The following PLCB1 variants were observed in gnomAD, a reference collection of about 807,000 sequenced individuals.
The protein encoded by PLCB1 is phospholipase C beta 1, also known as 1-phosphatidylinositol 4,5-bisphosphate phosphodiesterase beta-1.
PLCB1 carries 46 observed loss-of-function variants against 161.8 expected under a neutral mutation model. That is an observed-to-expected ratio of 0.28 (90% CI 0.22 to 0.36). The LOEUF (loss-of-function observed/expected upper bound fraction) is 0.36, where lower values mean the gene tolerates loss of function less well. PLCB1 is among the 10% of genes least tolerant of loss of function. The pLI is 1.00. For missense variants in PLCB1, 1,016 were observed against 1,472.5 expected (o/e 0.69, Z 5.07); for synonymous variants, 517 against 503.7 (o/e 1.03, Z -0.35).
intron 9 of PLCB1, among the ~76,000 whole-genome samples, chr20:8,661,578 A>T (rs1989622773): frequency 6.6e-6 from 1 of 152,100 alleles, no homozygotes; most frequent in Admixed American, 6.6e-5. Flanking sequence ...GTCAAATTAC[A>T]AAGACCTTAG....
chr20:8,168,965 T>A (rs996720792), intron 2 of PLCB1, among the ~76,000 whole-genome samples: 3 of 152,112 alleles, frequency 2.0e-5, no homozygotes. Context: ...TGAAAACACA[T>A]GAGTTTGACC....
At chr20:8,160,311 C>T (rs1455399524) in intron 2 of PLCB1, among the ~76,000 whole-genome samples, 1 of 152,188 alleles carries the variant, frequency 6.6e-6, no homozygotes, top group Non-Finnish European at 1.5e-5. Context: ...CTAACCTCTG[C>T]TTTTTACCCA....
chr20:8,734,773 A>G (rs771403600), intron 19 of PLCB1, among the ~76,000 whole-genome samples: 21 of 152,094 alleles, frequency 1.4e-4, no homozygotes, highest in Non-Finnish European at 2.6e-4. Flanking sequence ...TTTTCTGTTT[A>G]ACTGAATAAC....
At chr20:8,677,709 C>G (rs561924857) in intron 9 of PLCB1, among the ~76,000 whole-genome samples, 16 of 152,160 alleles carry the variant, frequency 1.1e-4, no homozygotes, top group Admixed American at 4.6e-4. Flanking sequence ...AGCTAAAAGA[C>G]AGTGGAGCAA....
At chr20:8,462,669 A>G (rs1981632666) in intron 3 of PLCB1, among the ~76,000 whole-genome samples, 1 of 152,120 alleles carries the variant, frequency 6.6e-6, no homozygotes, top group Admixed American at 6.6e-5. Context: ...ATGTAAACGC[A>G]ATCACTTGTT....
rs180851522 is a variant in PLCB1, at chr20:8,748,325, A to G, written c.2523+6752A>G. On this transcript the variant is annotated intron_variant, in intron 23 of 31. Transcript: ENST00000338037. Reference sequence around the variant, plus strand: ...TTTTTAGAGAAGGGAACAATTGCTCATTATGGTAGAGTGATTTGGTGCCTA... The same window carrying G: ...TTTTTAGAGAAGGGAACAATTGCTCGTTATGGTAGAGTGATTTGGTGCCTA... 2.2e-3 allele frequency among the ~76,000 whole-genome samples: 339 copies of G among 152,314 alleles called. 2 individuals carry two copies. The highest frequency in any genetic ancestry group is 0.02 in the Admixed American group (299 of 15,298).
chr20:8,628,168 C>T (rs1988416078), intron 3 of PLCB1, 126 bp from the exon 4 acceptor site: 3 of 754,934 alleles, frequency 4.0e-6, no homozygotes, highest in Non-Finnish European at 6.5e-6. Context: ...TAAACTCCTA[C>T]AATTTTCTAG....
intron 3 of PLCB1, among the ~76,000 whole-genome samples, chr20:8,442,737 T>C (rs1427959914): frequency 6.6e-6 from 1 of 152,158 alleles, no homozygotes; most frequent in South Asian, 2.1e-4. Context: ...TTTTCTGTTT[T>C]ATTAATTAAA....
intron 26 of PLCB1, 101 bp from the exon 27 acceptor site, chr20:8,774,438 C>A (rs888140557): frequency 6.7e-6 from 8 of 1,193,330 alleles, no homozygotes; most frequent in Non-Finnish European, 5.9e-6. Context: ...ATATGTATTT[C>A]CAAACAGAGA....
chr20:8,240,567 C>T (rs1292256304), intron 2 of PLCB1, among the ~76,000 whole-genome samples: 3 of 151,926 alleles, frequency 2.0e-5, no homozygotes, highest in African/African-American at 7.2e-5. Flanking sequence ...GGAATGCACA[C>T]ACCTCCTTGT....
At chr20:8,282,002 A>G (rs1396394566) in intron 2 of PLCB1, among the ~76,000 whole-genome samples, 1 of 152,180 alleles carries the variant, frequency 6.6e-6, no homozygotes, top group African/African-American at 2.4e-5. Context: ...AAAAAATTTT[A>G]AATCAGCCTT....
At chr20:8,755,534 A>G (rs537521458) in intron 23 of PLCB1, among the ~76,000 whole-genome samples, 1 of 152,234 alleles carries the variant, frequency 6.6e-6, no homozygotes, top group African/African-American at 2.4e-5. Flanking sequence ...TATGTAGGCA[A>G]TTATTTTATA....
In PLCB1 at chr20:8,589,578, G is replaced by A. The variant is rs147402867; in HGVS notation, c.247-38716G>A. Among the ~76,000 whole-genome samples the A allele has an allele frequency of 3.0e-3, 447 of 151,462 alleles. 4 individuals carry two copies. The highest frequency in any genetic ancestry group is 0.01 in the African/African-American group (426 of 41,316). Reference sequence around the variant, plus strand: ...TTATTGTGTCCTCACATGGTGGAAGGGGTGAAGGCTCTCTCTGGGGTCAAT... The same window carrying A: ...TTATTGTGTCCTCACATGGTGGAAGAGGTGAAGGCTCTCTCTGGGGTCAAT... On this transcript the variant is annotated intron_variant, in intron 3 of 31. Transcript: ENST00000338037.
intron 13 of PLCB1, 108 bp downstream of exon 13, chr20:8,716,456 T>G (rs1979316868): frequency 1.2e-6 from 1 of 819,648 alleles, no homozygotes; most frequent in South Asian, 1.5e-5. Context: ...GTAAGATTAA[T>G]GCAGTTGGTG....
intron 31 of PLCB1, among the ~76,000 whole-genome samples, chr20:8,822,285 A>G (rs549135119): frequency 3.3e-4 from 51 of 152,260 alleles, no homozygotes; most frequent in African/African-American, 1.2e-3. Flanking sequence ...GTTCAGACCC[A>G]TTCACTTTAA....
intron 11 of PLCB1, among the ~76,000 whole-genome samples, chr20:8,700,617 C>G (rs1012173042): frequency 6.6e-6 from 1 of 152,210 alleles, no homozygotes; most frequent in African/African-American, 2.4e-5. Flanking sequence ...CTTTCTCTCT[C>G]TGCCTGCTGG....
At chr20:8,362,804 AGACTT>A (rs1986587264) in intron 2 of PLCB1, among the ~76,000 whole-genome samples, 1 of 152,188 alleles carries the variant, frequency 6.6e-6, no homozygotes, top group East Asian at 1.9e-4. Flanking sequence ...ACGTGAAAAA[AGACTT>A]AAGTGGTTTT....
intron 2 of PLCB1, among the ~76,000 whole-genome samples, chr20:8,224,148 A>G (rs1219974612): frequency 1.3e-5 from 2 of 152,198 alleles, no homozygotes; most frequent in Non-Finnish European, 2.9e-5. Context: ...TTGTGGTAAA[A>G]TGGAAATAAT....
intron 2 of PLCB1, among the ~76,000 whole-genome samples, chr20:8,296,042 C>T (rs897113259): frequency 6.6e-6 from 1 of 152,038 alleles, no homozygotes; most frequent in Admixed American, 6.6e-5. Context: ...GGGGTGAGTT[C>T]GTCTCAACCA....
Sources: allele counts gnomAD v4.1 joint callset (sites outside exome capture counted in the v4.1 genomes callset), GRCh38; gene constraint gnomAD v4.1.1; transcripts MANE v1.5; gene names NCBI Gene and HGNC (gene_info 2026-07-23, HGNC 2026-07-21).